Variants in PCBP3 observed in about 807,000 individuals in gnomAD.
PCBP3 encodes the protein poly(rC) binding protein 3.
A neutral mutation model predicts 52.7 loss-of-function variants in PCBP3; 25 were observed. The observed-to-expected ratio is 0.47, with a 90% CI of 0.35 to 0.66. The LOEUF (loss-of-function observed/expected upper bound fraction) is 0.66, where lower values mean the gene tolerates loss of function less well. PCBP3 is among the 30% of genes least tolerant of loss of function. PCBP3 has a pLI of 0.01. For synonymous variants in PCBP3, 162 were observed against 183.0 expected (o/e 0.89, Z 0.93); for missense variants, 391 against 490.3 (o/e 0.80, Z 1.91).
intron 2 of PCBP3, among the ~76,000 whole-genome samples, chr21:45,712,215 G>A (rs1038055395): frequency 6.6e-6 from 1 of 152,226 alleles, no homozygotes; most frequent in Admixed American, 6.5e-5. Flanking sequence ...AAACATTTGT[G>A]TGCAGGTTTT....
chr21:45,734,759 T>C (rs2085730854), intron 2 of PCBP3, among the ~76,000 whole-genome samples: 1 of 152,188 alleles, frequency 6.6e-6, no homozygotes, highest in South Asian at 2.1e-4. Flanking sequence ...CACCCTCGTC[T>C]CATATCTTTT....
chr21:45,692,160 G>A (rs2082520680), intron 2 of PCBP3, among the ~76,000 whole-genome samples: 1 of 152,108 alleles, frequency 6.6e-6, no homozygotes, highest in African/African-American at 2.4e-5. Flanking sequence ...TCTCAATAAA[G>A]AATCCAGGAA....
intron 2 of PCBP3, among the ~76,000 whole-genome samples, chr21:45,702,338 G>A (rs1323952708): frequency 6.6e-6 from 1 of 152,082 alleles, no homozygotes; most frequent in African/African-American, 2.4e-5. Context: ...ACACATTTCT[G>A]TATACAGTGT....
chr21:45,825,400 G>A (rs1054771874), intron 4 of PCBP3, among the ~76,000 whole-genome samples: 25 of 152,122 alleles, frequency 1.6e-4, no homozygotes, highest in African/African-American at 4.6e-4. Context: ...CCCCGCCGCC[G>A]TGGAGAGCCC....
intron 1 of PCBP3, among the ~76,000 whole-genome samples, chr21:45,661,345 C>T (rs1421434568): frequency 6.6e-6 from 1 of 151,980 alleles, no homozygotes; most frequent in Non-Finnish European, 1.5e-5. Context: ...TCTATTATTA[C>T]ATTCTGTGTG....
chr21:45,937,618 G>A (rs373420870), intron 16 of PCBP3, among the ~76,000 whole-genome samples: 5 of 152,200 alleles, frequency 3.3e-5, no homozygotes, highest in South Asian at 4.1e-4. Flanking sequence ...TATTTCTATC[G>A]TTCTTCTTTG....
In PCBP3 at chr21:45,805,258, A is replaced by G. The variant is rs2092455472; in HGVS notation, c.-125-44703A>G. 6.6e-6 allele frequency among the ~76,000 whole-genome samples: 1 copy of G among 152,120 alleles called. No homozygotes were observed. Among genetic ancestry groups the G allele is most frequent in the African/African-American group, 2.4e-5 (1 of 41,420 alleles). On this transcript the variant is annotated intron_variant, in intron 4 of 17. Coordinates refer to ENST00000681687, the MANE Select transcript of PCBP3 (RefSeq NM_001384156.1). This position sits in a 1 kb window ranked among gnomAD's most constrained non-coding sequence, Gnocchi z 4.6. ...AAGCCTACCTTCTATAGGAAGAGGC[A>G]TTCTTGTGTGACTCTCTGGTCATTT...
intron 4 of PCBP3, among the ~76,000 whole-genome samples, chr21:45,781,037 C>T (rs2146051620): frequency 6.6e-6 from 1 of 152,164 alleles, no homozygotes; most frequent in Non-Finnish European, 1.5e-5. Flanking sequence ...AGGTGATCAC[C>T]AGGAGGCTGT....
intron 13 of PCBP3, among the ~76,000 whole-genome samples, chr21:45,922,142 C>T (rs138830103): frequency 1.3e-5 from 2 of 152,316 alleles, no homozygotes; most frequent in African/African-American, 4.8e-5. Flanking sequence ...GAGCCGAGAG[C>T]GCCCACACCT....
intron 1 of PCBP3, among the ~76,000 whole-genome samples, chr21:45,653,376 A>G (rs1202724473): frequency 6.6e-6 from 1 of 152,120 alleles, no homozygotes; most frequent in Non-Finnish European, 1.5e-5. Flanking sequence ...CAGTTCTGCC[A>G]GTTTTTATGT....
chr21:45,882,766 G>A (rs932510757), intron 5 of PCBP3, among the ~76,000 whole-genome samples: 10 of 152,076 alleles, frequency 6.6e-5, no homozygotes, highest in Admixed American at 1.3e-4. Context: ...CCCCAACACC[G>A]TTTATTGAAG....
intron 5 of PCBP3, among the ~76,000 whole-genome samples, chr21:45,856,613 C>T (rs958919775): frequency 3.9e-5 from 6 of 152,088 alleles, no homozygotes; most frequent in Admixed American, 6.5e-5. Flanking sequence ...CGCTCTGCCC[C>T]GGTGACGTGC....
intron 4 of PCBP3, among the ~76,000 whole-genome samples, chr21:45,782,284 T>A (rs2146090840): frequency 6.6e-6 from 1 of 152,334 alleles, no homozygotes; most frequent in African/African-American, 2.4e-5. Context: ...ATTAGTATGT[T>A]TTTTAAAAAA....
At chr21:45,798,505 G>A (rs1008025767) in intron 4 of PCBP3, among the ~76,000 whole-genome samples, 1 of 152,290 alleles carries the variant, frequency 6.6e-6, no homozygotes, top group Admixed American at 6.5e-5. Flanking sequence ...ATGGATGGAT[G>A]AATGCATGGA....
chr21:45,774,132 T>C (rs571621130), intron 4 of PCBP3, among the ~76,000 whole-genome samples: 90 of 152,152 alleles, frequency 5.9e-4, no homozygotes, highest in African/African-American at 2.1e-3. Flanking sequence ...GGGCCGGGCG[T>C]GGTGGCTCAC....
In PCBP3 at chr21:45,735,091, C is replaced by T. The variant is rs554839369; in HGVS notation, c.-199-301C>T. Among the ~76,000 whole-genome samples the T allele has an allele frequency of 2.0e-5, 3 of 152,280 alleles. No individual in the cohort carries two copies. The highest frequency in any genetic ancestry group is 7.2e-5 in the African/African-American group (3 of 41,566). On this transcript the variant is annotated intron_variant, in intron 2 of 17. Coordinates refer to ENST00000681687, the MANE Select transcript of PCBP3 (RefSeq NM_001384156.1). The surrounding 1 kb of genome is among the most constrained non-coding windows in gnomAD (Gnocchi z 4.0). ...CAGAGGGATTTGAGAATCAGCTGTGCCCCAGACGTCAGTCAGGCCGAGGAC... is the reference window on the plus strand; with the variant it reads ...CAGAGGGATTTGAGAATCAGCTGTGTCCCAGACGTCAGTCAGGCCGAGGAC...
rs568161883 is a variant in PCBP3, at chr21:45,783,301, C to T, written c.-126+27849C>T. On this transcript the variant is annotated intron_variant, in intron 4 of 17. Transcript: ENST00000681687. ...CTTTTCTTGGTTTTCAGCCATTTTT[C>T]TATTGATGTCTGTGTTATGTATCAG... Among the ~76,000 whole-genome samples the T allele has an allele frequency of 8.5e-5, 13 of 152,224 alleles. 1 individual carries two copies. The East Asian group carries it at 2.3e-3, about 27-fold the overall frequency.
intron 1 of PCBP3, among the ~76,000 whole-genome samples, chr21:45,667,087 T>G (rs1603208464): frequency 7.4e-6 from 1 of 135,138 alleles, no homozygotes; most frequent in East Asian, 2.5e-4. Context: ...TCTTTCTTTC[T>G]TTCTTTCTTT....
chr21:45,762,515 A>T (rs1215597100), intron 4 of PCBP3: 3 of 40,586 alleles, frequency 7.4e-5, no homozygotes, highest in Non-Finnish European at 1.2e-4. Flanking sequence ...TTTGAGACAG[A>T]GTCTCACTCT....
Sources: gnomAD v4.1 joint callset for allele counts (sites outside exome capture counted in the v4.1 genomes callset) on GRCh38, gnomAD v4.1.1 for gene constraint, Gnocchi (gnomAD v3.1) non-coding constraint, MANE v1.5 for transcripts, NCBI Gene and HGNC (gene_info 2026-07-23, HGNC 2026-07-21) for gene names.